Variants in PCDHGB2 observed in about 807,000 individuals in gnomAD.
The protein encoded by PCDHGB2 is protocadherin gamma subfamily B, 2.
In PCDHGB2, 55 loss-of-function variants were observed where a neutral mutation model predicts 59.3. The ratio of observed to expected loss-of-function variants is 0.93; its 90% CI spans 0.75 to 1.16. PCDHGB2 has a LOEUF of 1.16. Ranked by LOEUF, PCDHGB2 falls within the 50% of genes most tolerant of loss-of-function variation. The pLI is 0.00. For synonymous variants in PCDHGB2, 516 were observed against 512.0 expected, an observed-to-expected ratio of 1.01 and a Z score of -0.11; for missense variants, 1,228 against 1,198.5, an observed-to-expected ratio of 1.02 and a Z score of -0.36.
At chr5:141,499,730 T>C (rs1412528402) in intron 2 of PCDHGB2, among the ~76,000 whole-genome samples, 1 of 143,912 alleles carries the variant, frequency 6.9e-6, no homozygotes, top group East Asian at 2.1e-4. Context: ...AGTCTCACTC[T>C]CTTGCCCAGG....
intron 1 of PCDHGB2, among the ~76,000 whole-genome samples, chr5:141,459,334 A>G (rs987526492): frequency 5.9e-5 from 9 of 152,116 alleles, no homozygotes; most frequent in Admixed American, 1.3e-4. Flanking sequence ...TTTTACTCCA[A>G]AGTTCTTGAA....
chr5:141,372,067 A>C, intron 1 of PCDHGB2: 1 of 1,613,568 alleles, frequency 6.2e-7, no homozygotes, highest in Non-Finnish European at 8.5e-7. Context: ...CGCAACGACA[A>C]TGCACCGCTG....
At chr5:141,389,141 C>G (rs919430175) in intron 1 of PCDHGB2, 1 of 1,613,878 alleles carries the variant, frequency 6.2e-7, no homozygotes, top group African/African-American at 1.3e-5. Context: ...ACAATATAAC[C>G]GTTACGGCAA....
intron 1 of PCDHGB2, chr5:141,393,144 G>T (rs745405842): frequency 1.2e-6 from 2 of 1,613,316 alleles, no homozygotes; most frequent in Non-Finnish European, 1.7e-6. Flanking sequence ...CACCCTGGTT[G>T]AGGATAAAGG....
rs75309884 is a variant in PCDHGB2, at chr5:141,382,670, T to C, written c.2421+20114T>C. On this transcript the variant is annotated intron_variant, in intron 1 of 3. Coordinates refer to ENST00000522605, the MANE Select transcript of PCDHGB2 (RefSeq NM_018923.3). ...TTAGTAAGGACTCACAGCGCCGCTG[T>C]TCACCAACCAGGGAAAAATGGTGCG... 662 of 433,180 alleles carry C rather than the reference T, an allele frequency of 1.5e-3. 2 individuals are homozygous for C. Among genetic ancestry groups the C allele is most frequent in the Non-Finnish European group, 2.1e-3 (522 of 246,008 alleles). 26.8% of individuals were successfully genotyped at this position (433,180 alleles called of 1,614,324 possible).
chr5:141,485,920 T>G lies in PCDHGB2; in HGVS notation c.2422-8887T>G. 4 of 1,614,038 alleles carry G rather than the reference T, an allele frequency of 2.5e-6. No individual in the cohort carries two copies. Among genetic ancestry groups the G allele is most frequent in the Non-Finnish European group, 3.4e-6 (4 of 1,180,010 alleles). ...CCTTCCAGCAATCCAGCTACAGGAT[T>G]AGTGTGTTGGAGAGCGCACCAGCGG... On this transcript the variant is annotated intron_variant, in intron 1 of 3. Transcript: ENST00000522605. The surrounding 1 kb of genome is among the most constrained non-coding windows in gnomAD (Gnocchi z 5.7).
chr5:141,374,172 A>C (rs1770228418), intron 1 of PCDHGB2: 1 of 1,613,448 alleles, frequency 6.2e-7, no homozygotes, highest in Non-Finnish European at 8.5e-7. Context: ...GCGGCAGCGC[A>C]GATCCGCTAC....
intron 1 of PCDHGB2, chr5:141,417,651 A>C: frequency 1.2e-6 from 1 of 822,038 alleles, no homozygotes; most frequent in African/African-American, 1.7e-5. Context: ...CTCAGCCTCT[A>C]GCCTGGGATT....
chr5:141,398,408 A>G (rs2093653088), intron 1 of PCDHGB2: 1 of 1,473,232 alleles, frequency 6.8e-7, no homozygotes, highest in African/African-American at 1.4e-5. Flanking sequence ...GACAGGGAGG[A>G]GATATGCGGG....
rs1419222918 is a variant in PCDHGB2, at chr5:141,360,532, T to C, written c.397T>C (p.Phe133Leu). ...GGATATAAATGATAATACCCCGCTA[T>C]TCAAACAGACTAAGATTAATTTAAA... ...VQDINDNTPL[F>L]KQTKINLKIG... The change falls in exon 1 of 4, where the codon TTC becomes CTC. Residue 133 changes from phenylalanine to leucine, a missense_variant. Phe to Leu is a conservative substitution (Grantham distance 22, BLOSUM62 0). Coordinates refer to ENST00000522605, the MANE Select transcript of PCDHGB2 (RefSeq NM_018923.3). 3 of 1,613,892 alleles carry C rather than the reference T, an allele frequency of 1.9e-6. No individual in the cohort carries two copies. The Admixed American group carries it at 5.0e-5, about 27-fold the overall frequency.
intron 1 of PCDHGB2, among the ~76,000 whole-genome samples, chr5:141,437,431 A>G (rs1282194918): frequency 6.6e-6 from 1 of 152,234 alleles, no homozygotes; most frequent in African/African-American, 2.4e-5. Flanking sequence ...TGAAGCAGCA[A>G]TAGCATAGGA....
Position 141,477,749 on chromosome 5 carries a change from C to T in PCDHGB2, c.2422-17058C>T. The stretch of plus-strand genomic sequence containing the variant: ...AGCTCATATCAGCGATGGGGGCACC[C>T]CGGTCCTAGCCACCAACATCAGCGT... On this transcript the variant is annotated intron_variant, in intron 1 of 3. Transcript: ENST00000522605. The surrounding 1 kb of genome is among the most constrained non-coding windows in gnomAD (Gnocchi z 4.9). 1 of 1,613,904 alleles carries T rather than the reference C, an allele frequency of 6.2e-7. No homozygotes were observed. Among genetic ancestry groups the T allele is most frequent in the Non-Finnish European group, 8.5e-7 (1 of 1,180,030 alleles).
chr5:141,367,386 A>T (rs549241556), intron 1 of PCDHGB2: 1 of 152,182 alleles, frequency 6.6e-6, no homozygotes, highest in South Asian at 2.1e-4. Flanking sequence ...AAATACAAAA[A>T]ATTAGCCGGG....
rs771106873 is a variant in PCDHGB2, at chr5:141,426,860, A to C, written c.2421+64304A>C. 5 of 456,702 alleles carry C rather than the reference A, an allele frequency of 1.1e-5. No individual in the cohort carries two copies. In the Admixed American group the frequency reaches 1.2e-4, roughly 11 times the overall value. The allele number at this position is 456,702 out of a possible 1,614,324, so 28.3% of individuals were successfully genotyped here. A position where few individuals can be genotyped will look rare whatever the true frequency, so the allele number is the denominator to read the frequency against. On this transcript the variant is annotated intron_variant, in intron 1 of 3. Transcript: ENST00000522605. ...CTAAAGGCAAGAACGCTCCAGAATT[A>C]GTGCTGGAGAAGCCCCTGGGCCAGG...
At position 141,362,241 on chromosome 5, in the gene PCDHGB2, C is replaced by T. The variant is rs557427510; in HGVS notation, c.2106C>T (p.Leu702=). 1 of 1,614,050 alleles carries T rather than the reference C, an allele frequency of 6.2e-7. No homozygotes were observed. The highest frequency in any genetic ancestry group is 1.3e-5 in the African/African-American group (1 of 75,060). ...LVVALALISV[L]FFLAVILAIS... Reference sequence around the variant, plus strand: ...TGGCCTTGGCCTTGATCTCAGTGCTCTTCTTCCTCGCGGTGATTCTGGCAA... The same window carrying T: ...TGGCCTTGGCCTTGATCTCAGTGCTTTTCTTCCTCGCGGTGATTCTGGCAA... Residue 702 remains leucine, a synonymous_variant, in exon 1 of 4, where the codon CTC becomes CTT. Transcript: ENST00000522605.
At position 141,393,973 on chromosome 5, in the gene PCDHGB2, G is replaced by A. The variant is rs776954838; in HGVS notation, c.2421+31417G>A. ...AATGGTCAAGTTGTCTGTTACACAC[G>A]TGATAATTTACCTTTTAAATTAGAA... On this transcript the variant is annotated intron_variant, in intron 1 of 3. Transcript: ENST00000522605. 3.1e-6 allele frequency: 5 copies of A among 1,613,784 alleles called. No individual in the cohort carries two copies. The South Asian group carries it at 5.5e-5, about 18-fold the overall frequency.
intron 1 of PCDHGB2, chr5:141,382,952 T>C (rs781221322): frequency 6.2e-7 from 1 of 1,601,438 alleles, no homozygotes; most frequent in Non-Finnish European, 8.5e-7. Context: ...CTGCTCTCCA[T>C]CCTCCTGGGG....
intron 1 of PCDHGB2, chr5:141,390,345 A>G: frequency 6.3e-7 from 1 of 1,576,504 alleles, no homozygotes; most frequent in Non-Finnish European, 8.7e-7. Context: ...TTCACAAGAA[A>G]ATATACATAT....
At position 141,476,632 on chromosome 5, in the gene PCDHGB2, T is replaced by A. The variant is rs994726301; in HGVS notation, c.2422-18175T>A. ...TGGGAAGCAACTCTTTACAAACCTATGAGCTGAGCCGAAATGAATACTTTG... is the reference window on the plus strand; with the variant it reads ...TGGGAAGCAACTCTTTACAAACCTAAGAGCTGAGCCGAAATGAATACTTTG... On this transcript the variant is annotated intron_variant, in intron 1 of 3. Transcript: ENST00000522605. The surrounding 1 kb of genome is among the most constrained non-coding windows in gnomAD (Gnocchi z 7.6). 1 of 1,614,216 alleles carries A rather than the reference T, an allele frequency of 6.2e-7. No individual in the cohort carries two copies. The highest frequency in any genetic ancestry group is 8.5e-7 in the Non-Finnish European group (1 of 1,180,028).
Sources: gnomAD v4.1 joint callset for allele counts (sites outside exome capture counted in the v4.1 genomes callset) on GRCh38, gnomAD v4.1.1 for gene constraint, Gnocchi (gnomAD v3.1) non-coding constraint, MANE v1.5 for transcripts, NCBI Gene and HGNC (gene_info 2026-07-23, HGNC 2026-07-21) for gene names.